The following WDR72 variants were observed in gnomAD, a reference collection of about 807,000 sequenced individuals.
WDR72 encodes WD repeat-containing protein 72.
In WDR72, 120 loss-of-function variants were observed where a neutral mutation model predicts 124.2. The ratio of observed to expected loss-of-function variants is 0.97; its 90% CI spans 0.83 to 1.12. WDR72 has a LOEUF of 1.12. Among genes scored for constraint, WDR72 ranks in the 50% most tolerant of loss-of-function variants. WDR72 has a pLI of 0.00. For synonymous variants in WDR72, 452 were observed against 441.7 expected, an observed-to-expected ratio of 1.02 and a Z score of -0.29; for missense variants, 1,387 against 1,278.8, an observed-to-expected ratio of 1.08 and a Z score of -1.29.
At chr15:53,535,365 G>A (rs1267000245) in intron 18 of WDR72, among the ~76,000 whole-genome samples, 2 of 152,094 alleles carry the variant, frequency 1.3e-5, no homozygotes, top group African/African-American at 4.8e-5. Context: ...CCCATGCTGG[G>A]TATCGACAGG....
chr15:53,676,523 T>C (rs921866930), intron 13 of WDR72, among the ~76,000 whole-genome samples: 1 of 152,196 alleles, frequency 6.6e-6, no homozygotes, highest in African/African-American at 2.4e-5. Flanking sequence ...TGAATAAAGG[T>C]CAGGGAGTGG....
At chr15:53,614,216 G>A (rs1223508423) in intron 15 of WDR72, among the ~76,000 whole-genome samples, 1 of 151,998 alleles carries the variant, frequency 6.6e-6, no homozygotes, top group Admixed American at 6.6e-5. Flanking sequence ...AAACTGCCAG[G>A]GATGTTCTGA....
chr15:53,647,609 C>T (rs1004755029), intron 14 of WDR72, among the ~76,000 whole-genome samples: 3 of 152,050 alleles, frequency 2.0e-5, no homozygotes, highest in African/African-American at 7.2e-5. Flanking sequence ...GCTTACAGTT[C>T]TCCACCTTTT....
intron 1 of WDR72, among the ~76,000 whole-genome samples, chr15:53,742,440 C>T (rs980743967): frequency 2.6e-5 from 4 of 152,116 alleles, no homozygotes; most frequent in African/African-American, 7.2e-5. Flanking sequence ...AGATTACAAA[C>T]CTCTATCATA....
intron 16 of WDR72, 97 bp from the exon 17 acceptor site, chr15:53,609,689 GT>G (rs142845992): frequency 9.7e-7 from 1 of 1,027,686 alleles, no homozygotes. Flanking sequence ...GGGAAGCTTT[GT>G]TTTTTATAAA....
intron 14 of WDR72, among the ~76,000 whole-genome samples, chr15:53,623,468 A>G (rs76149713): frequency 0.094 from 14,241 of 151,450 alleles, 1,732 homozygotes; most frequent in African/African-American, 0.29. Flanking sequence ...TTATGGCTAA[A>G]TAGCATTATA....
At chr15:53,593,244 A>T (rs2012596599) in intron 18 of WDR72, among the ~76,000 whole-genome samples, 1 of 152,114 alleles carries the variant, frequency 6.6e-6, no homozygotes, top group African/African-American at 2.4e-5. Context: ...ATAAAAATCT[A>T]AGAAAATCAC....
intron 13 of WDR72, among the ~76,000 whole-genome samples, chr15:53,666,318 T>C (rs1312318286): frequency 6.6e-6 from 1 of 152,222 alleles, no homozygotes; most frequent in African/African-American, 2.4e-5. Flanking sequence ...CTTTGGCTTT[T>C]ATTTCTTATG....
At chr15:53,727,139 C>T (rs1171239051) in intron 2 of WDR72, among the ~76,000 whole-genome samples, 1 of 149,604 alleles carries the variant, frequency 6.7e-6, no homozygotes, top group Non-Finnish European at 1.5e-5. Context: ...TAGTGAAACC[C>T]CATGTCTATT....
intron 14 of WDR72, among the ~76,000 whole-genome samples, chr15:53,625,431 T>C (rs2014165799): frequency 6.6e-6 from 1 of 152,226 alleles, no homozygotes; most frequent in African/African-American, 2.4e-5. Flanking sequence ...AGAGAAGGTA[T>C]TGTTTACAAT....
At chr15:53,629,596 T>C (rs1566992851) in intron 14 of WDR72, among the ~76,000 whole-genome samples, 1 of 152,164 alleles carries the variant, frequency 6.6e-6, no homozygotes, top group Admixed American at 6.5e-5. Flanking sequence ...GTTAATTAAG[T>C]TAGGTCCACT....
chr15:53,613,131 C>T (rs1161874857), intron 16 of WDR72, among the ~76,000 whole-genome samples: 1 of 152,032 alleles, frequency 6.6e-6, no homozygotes, highest in African/African-American at 2.4e-5. Context: ...CTTGGAAAAG[C>T]AGGTTTGGGA....
chr15:53,687,872 GT>G (rs1392392998), intron 13 of WDR72, among the ~76,000 whole-genome samples: 1 of 149,340 alleles, frequency 6.7e-6, no homozygotes, highest in African/African-American at 2.5e-5. Flanking sequence ...CCATGATCAA[GT>G]GGGCTTCATC....
intron 14 of WDR72, among the ~76,000 whole-genome samples, chr15:53,641,691 T>C (rs1241319175): frequency 1.3e-5 from 2 of 152,006 alleles, no homozygotes; most frequent in Non-Finnish European, 2.9e-5. Context: ...GGCTCTTGCA[T>C]ATTTCTTATG....
At chr15:53,578,183 G>A (rs1343724231) in intron 18 of WDR72, among the ~76,000 whole-genome samples, 1 of 152,158 alleles carries the variant, frequency 6.6e-6, no homozygotes, top group African/African-American at 2.4e-5. Context: ...TAGTGAGCAA[G>A]TTAGACATAT....
intron 10 of WDR72, 30 bp downstream of exon 10, chr15:53,705,897 A>T: frequency 6.2e-7 from 1 of 1,613,430 alleles, no homozygotes; most frequent in African/African-American, 1.3e-5. Flanking sequence ...TTCTCAGAAG[A>T]CATGTTACTA....
rs533096550 is a variant in WDR72, at chr15:53,581,437, G to C, written c.3148+15642C>G. ...GGTAAGAGTTTTCTCTGTTTTGCCA[G>C]TTGTTTCATTTTTACAAAATGTTCA... On this transcript the variant is annotated intron_variant, in intron 18 of 19. Coordinates refer to ENST00000360509, the MANE Select transcript of WDR72 (RefSeq NM_182758.4). Among the ~76,000 whole-genome samples the C allele has an allele frequency of 9.2e-5, 14 of 152,150 alleles. No individual in the cohort carries two copies. In the East Asian group the frequency reaches 2.1e-3, roughly 23 times the overall value.
Position 53,727,343 on chromosome 15 carries a change from C to T in WDR72, c.154-4435G>A, listed in dbSNP as rs546008366. ...TCTATTATGTTTTTTCTGAACTATACGAACATATGTAGATGGTAACTCAGC... is the reference window on the plus strand; with the variant it reads ...TCTATTATGTTTTTTCTGAACTATATGAACATATGTAGATGGTAACTCAGC... On this transcript the variant is annotated intron_variant, in intron 2 of 19. Transcript: ENST00000360509. Among the ~76,000 whole-genome samples the T allele has an allele frequency of 4.0e-5, 6 of 151,716 alleles. No individual in the cohort carries two copies. In the East Asian group the frequency reaches 7.7e-4, roughly 20 times the overall value.
chr15:53,712,079 A>T (rs2017555153), intron 7 of WDR72, among the ~76,000 whole-genome samples: 1 of 152,216 alleles, frequency 6.6e-6, no homozygotes, highest in Non-Finnish European at 1.5e-5. Flanking sequence ...AACATCTAAA[A>T]ATATAATCAA....
Sources: allele counts gnomAD v4.1 joint callset (sites outside exome capture counted in the v4.1 genomes callset), GRCh38; gene constraint gnomAD v4.1.1; transcripts MANE v1.5; gene names NCBI Gene and HGNC (gene_info 2026-07-23, HGNC 2026-07-21).